CHSY3: variants seen among roughly 807,000 people sequenced by gnomAD.
The protein encoded by CHSY3 is chondroitin sulfate synthase 3, also known as N-acetylgalactosaminyl-proteoglycan 3-beta-glucuronosyltransferase 3.
A neutral mutation model predicts 67.2 loss-of-function variants in CHSY3; 35 were observed. That is an observed-to-expected ratio of 0.52 (90% CI 0.40 to 0.69). The LOEUF (loss-of-function observed/expected upper bound fraction) is 0.69, where lower values mean the gene tolerates loss of function less well. Among genes scored for constraint, CHSY3 ranks in the 30% least tolerant of loss-of-function variants. The pLI, the probability that CHSY3 is intolerant of heterozygous loss-of-function variation, is 0.00. For missense variants in CHSY3, 1,069 were observed against 1,138.5 expected (o/e 0.94, Z 0.88); for synonymous variants, 474 against 434.7 (o/e 1.09, Z -1.12).
chr5:129,966,648 G>T (rs1445538475), intron 2 of CHSY3, among the ~76,000 whole-genome samples: 3 of 151,678 alleles, frequency 2.0e-5, no homozygotes, highest in African/African-American at 4.8e-5. Flanking sequence ...GGAGTTTATA[G>T]ACCTCTACAA....
intron 2 of CHSY3, among the ~76,000 whole-genome samples, chr5:130,169,448 G>C (rs1326299225): frequency 6.6e-6 from 1 of 151,996 alleles, no homozygotes; most frequent in African/African-American, 2.4e-5. Flanking sequence ...TTTCCCTGAA[G>C]ATTACTACAG....
intron 2 of CHSY3, among the ~76,000 whole-genome samples, chr5:130,092,473 G>A (rs1044645487): frequency 4.6e-5 from 7 of 152,078 alleles, no homozygotes; most frequent in African/African-American, 1.7e-4. Context: ...TTTGTTTACT[G>A]TATAGACTCA....
intron 2 of CHSY3, among the ~76,000 whole-genome samples, chr5:130,026,674 A>G (rs2149657316): frequency 6.6e-6 from 1 of 152,268 alleles, no homozygotes; most frequent in Non-Finnish European, 1.5e-5. Flanking sequence ...TTGGCATTTT[A>G]TATTACATTG....
chr5:129,995,614 G>A (rs183366475), intron 2 of CHSY3, among the ~76,000 whole-genome samples: 11 of 149,450 alleles, frequency 7.4e-5, no homozygotes, highest in East Asian at 2.0e-4. Flanking sequence ...AAGGTTCTTC[G>A]TTCCTTCCTT....
At chr5:130,033,355 C>G (rs1027176231) in intron 2 of CHSY3, among the ~76,000 whole-genome samples, 1 of 152,106 alleles carries the variant, frequency 6.6e-6, no homozygotes, top group Admixed American at 6.6e-5. Flanking sequence ...TCCTCTTTCC[C>G]TCACTTGCCA....
At chr5:129,964,089 G>A (rs753526514) in intron 2 of CHSY3, among the ~76,000 whole-genome samples, 1 of 151,882 alleles carries the variant, frequency 6.6e-6, no homozygotes, top group African/African-American at 2.4e-5. Context: ...GGGCATCAAG[G>A]AAGTCTGTGC....
chr5:129,926,291 A>G (rs2149586123), intron 2 of CHSY3, among the ~76,000 whole-genome samples: 1 of 152,164 alleles, frequency 6.6e-6, no homozygotes, highest in African/African-American at 2.4e-5. Context: ...TTTTTGTAAT[A>G]CAGAATCATT....
At chr5:130,152,264 C>A (rs553476935) in intron 2 of CHSY3, among the ~76,000 whole-genome samples, 1 of 152,112 alleles carries the variant, frequency 6.6e-6, no homozygotes, top group African/African-American at 2.4e-5. Context: ...ATTTGCAAAC[C>A]TTGTGACCAT....
intron 2 of CHSY3, among the ~76,000 whole-genome samples, chr5:130,003,442 A>G (rs1442166506): frequency 1.3e-5 from 2 of 152,204 alleles, no homozygotes; most frequent in Non-Finnish European, 2.9e-5. Context: ...AATAAAAAAT[A>G]TCATAAGCCT....
Position 130,091,136 on chromosome 5 carries a change from G to GCACACACACACACACACACC in CHSY3, c.1087-93088_1087-93087insACACACACACACACCCACAC, listed in dbSNP as rs1439806303. Among the ~76,000 whole-genome samples, 3 of 74,444 alleles carry GCACACACACACACACACACC rather than the reference G, an allele frequency of 4.0e-5. No homozygotes were observed. The East Asian group carries it at 1.1e-3, about 28-fold the overall frequency. 48.8% of individuals were successfully genotyped at this position (74,444 alleles called of 152,430 possible). On this transcript the variant is annotated intron_variant, in intron 2 of 2. Coordinates refer to ENST00000305031, the MANE Select transcript of CHSY3 (RefSeq NM_175856.5). Reference sequence around the variant, plus strand: ...AACACACACACACACACACACACACGCACACGCGCGCACACACACACACAC... The same window carrying GCACACACACACACACACACC: ...AACACACACACACACACACACACACGCACACACACACACACACACCCACACGCGCGCACACACACACACAC...
chr5:130,125,220 CT>C (rs1419633973), intron 2 of CHSY3, among the ~76,000 whole-genome samples: 4 of 152,182 alleles, frequency 2.6e-5, no homozygotes, highest in East Asian at 1.9e-4. Context: ...GTTGTTATCA[CT>C]TAAGATTGGA....
intron 2 of CHSY3, among the ~76,000 whole-genome samples, chr5:130,175,551 C>A (rs1490129745): frequency 6.6e-6 from 1 of 152,166 alleles, no homozygotes; most frequent in African/African-American, 2.4e-5. Flanking sequence ...ATAGCCAAGA[C>A]AATTCTAAGC....
chr5:130,147,658 C>T (rs1769110340), intron 2 of CHSY3, among the ~76,000 whole-genome samples: 1 of 152,122 alleles, frequency 6.6e-6, no homozygotes, highest in African/African-American at 2.4e-5. Flanking sequence ...AAGCATGGTG[C>T]TCGGCATCTG....
intron 2 of CHSY3, among the ~76,000 whole-genome samples, chr5:129,980,410 A>G (rs370693621): frequency 2.2e-4 from 33 of 152,152 alleles, no homozygotes; most frequent in African/African-American, 7.5e-4. Context: ...CTATCTATCT[A>G]TCTTCTTTGG....
chr5:130,140,518 A>C (rs960256462), intron 2 of CHSY3: 1 of 773,976 alleles, frequency 1.3e-6, no homozygotes, highest in Non-Finnish European at 2.0e-6. Flanking sequence ...AACAATTGTT[A>C]GTCTCAATGT....
intron 2 of CHSY3, among the ~76,000 whole-genome samples, chr5:130,054,759 G>A (rs1233046079): frequency 2.0e-5 from 3 of 152,204 alleles, no homozygotes; most frequent in Non-Finnish European, 2.9e-5. Context: ...ATAAATACTA[G>A]CTTTTAATAT....
chr5:130,160,817 G>C (rs1190946439), intron 2 of CHSY3, among the ~76,000 whole-genome samples: 1 of 152,072 alleles, frequency 6.6e-6, no homozygotes, highest in South Asian at 2.1e-4. Context: ...TACAACTACA[G>C]ATAATCCTTT....
Position 129,908,372 on chromosome 5 carries a change from G to A in CHSY3, c.1086+12G>A. On this transcript the variant is annotated intron_variant, in intron 2 of 2. Coordinates refer to ENST00000305031, the MANE Select transcript of CHSY3 (RefSeq NM_175856.5). ...TCTGGTCTTACGAGGTAAGCATGGA[G>A]CTGTGATGAAAATGTTCACATAGTA... 1 of 1,612,606 alleles carries A rather than the reference G, an allele frequency of 6.2e-7. No homozygotes were observed. Among genetic ancestry groups the A allele is most frequent in the South Asian group, 1.1e-5 (1 of 90,992 alleles).
intron 2 of CHSY3, among the ~76,000 whole-genome samples, chr5:129,917,816 G>A (rs139050008): frequency 2.4e-3 from 360 of 152,232 alleles, no homozygotes; most frequent in African/African-American, 8.3e-3. Flanking sequence ...TTCTGATGCT[G>A]GACCCCACCC....
Sources: gnomAD v4.1 joint callset for allele counts (sites outside exome capture counted in the v4.1 genomes callset) on GRCh38, gnomAD v4.1.1 for gene constraint, MANE v1.5 for transcripts, NCBI Gene and HGNC (gene_info 2026-07-23, HGNC 2026-07-21) for gene names.